TMEM67: variants seen among roughly 807,000 people sequenced by gnomAD.
TMEM67 encodes the protein transmembrane protein 67, also known as meckelin.
Under a neutral mutation model 136.6 loss-of-function variants are expected in TMEM67, and 124 were observed. The observed-to-expected ratio is 0.91, with a 90% CI of 0.78 to 1.05. TMEM67 has a LOEUF of 1.05. TMEM67 is among the 50% of genes least tolerant of loss of function. TMEM67 has a pLI of 0.00. For missense variants in TMEM67, 1,107 were observed against 1,178.4 expected (o/e 0.94, Z 0.89); for synonymous variants, 364 against 390.5 (o/e 0.93, Z 0.80).
the TMEM67 span, among the ~76,000 whole-genome samples, chr8:93,829,591 A>G: frequency 1.1e-4 from 17 of 152,222 alleles, no homozygotes; most frequent in East Asian, 2.7e-3. Flanking sequence ...GGCTCCTCAG[A>G]TCCTCTGTGG....
chr8:93,802,222 C>G (rs72668304), intron 21 of TMEM67, among the ~76,000 whole-genome samples: 2,981 of 152,302 alleles, frequency 0.02, 65 homozygotes, highest in Middle Eastern at 0.048. Flanking sequence ...TCCATCTCCA[C>G]AGTCCCTTCA....
chr8:93,806,130 A>G (rs576423262), intron 23 of TMEM67, among the ~76,000 whole-genome samples: 1 of 152,344 alleles, frequency 6.6e-6, no homozygotes, highest in Non-Finnish European at 1.5e-5. Flanking sequence ...TAAATGACTC[A>G]GTGTCTCCAG....
chr8:93,792,210 C>T (rs1357301453), intron 15 of TMEM67, among the ~76,000 whole-genome samples: 6 of 150,732 alleles, frequency 4.0e-5, no homozygotes, highest in South Asian at 2.1e-4. Context: ...CTCACTCTGT[C>T]GCCCAGTCTG....
chr8:93,791,477 G>A (rs1263022056), intron 15 of TMEM67, among the ~76,000 whole-genome samples, 158 bp downstream of exon 15: 1 of 152,094 alleles, frequency 6.6e-6, no homozygotes, highest in African/African-American at 2.4e-5. Context: ...TCATAATCTG[G>A]AAATTAATAT....
At chr8:93,816,315 G>A (rs554791543) in intron 27 of TMEM67, 57 bp from the exon 28 acceptor site, 52 of 799,880 alleles carry the variant, frequency 6.5e-5, no homozygotes, top group South Asian at 6.4e-4. Flanking sequence ...TTTAATCGAC[G>A]TGCATATTTA....
At chr8:93,768,564 C>T (rs1242909341) in intron 6 of TMEM67, among the ~76,000 whole-genome samples, 4 of 151,924 alleles carry the variant, frequency 2.6e-5, no homozygotes, top group Non-Finnish European at 4.4e-5. Context: ...GAGCCAAGAT[C>T]GCGCCACTGC....
At chr8:93,809,010 A>G (rs1424748122) in intron 24 of TMEM67, 47 bp from the exon 25 acceptor site, 3 of 1,535,982 alleles carry the variant, frequency 2.0e-6, no homozygotes, top group East Asian at 2.3e-5. Flanking sequence ...TGTTTTTTAG[A>G]TACCAAGAAC....
chr8:93,824,479 C>T, the TMEM67 span, among the ~76,000 whole-genome samples: 5 of 152,312 alleles, frequency 3.3e-5, no homozygotes, highest in South Asian at 1.0e-3. Context: ...AAATGGAACT[C>T]CAAACCCATT....
At chr8:93,781,793 TG>T (rs1462824739) in intron 10 of TMEM67, 49 bp downstream of exon 10, 1 of 1,142,040 alleles carries the variant, frequency 8.8e-7, no homozygotes, top group African/African-American at 1.5e-5. Context: ...TATTTTTGCC[TG>T]AGACAAAGCC....
chr8:93,813,614 G>A (rs1479794981), intron 26 of TMEM67, among the ~76,000 whole-genome samples: 1 of 152,248 alleles, frequency 6.6e-6, no homozygotes, highest in Non-Finnish European at 1.5e-5. Flanking sequence ...TTCTGGCTGT[G>A]TGACTAAGTG....
In TMEM67 at chr8:93,791,829, C is replaced by T. The variant is rs141514572; in HGVS notation, c.1575+510C>T. 2.7e-3 allele frequency: 416 copies of T among 152,598 alleles called. 1 individual carries two copies. Among genetic ancestry groups the T allele is most frequent in the Middle Eastern group, 6.8e-3 (2 of 294 alleles). 9.5% of individuals were successfully genotyped at this position (152,598 alleles called of 1,614,324 possible). Reference sequence around the variant, plus strand: ...GGGAGATTCTTTGAAATTATGCAAACATCCTGCTTCTTCTTATTCTTCTTA... The same window carrying T: ...GGGAGATTCTTTGAAATTATGCAAATATCCTGCTTCTTCTTATTCTTCTTA... On this transcript the variant is annotated intron_variant, in intron 15 of 27. Coordinates refer to ENST00000453321, the MANE Select transcript of TMEM67 (RefSeq NM_153704.6).
Position 93,808,847 on chromosome 8 carries a change from T to A in TMEM67, c.2447T>A (p.Leu816Ter). The A allele has an allele frequency of 1.2e-6, 2 of 1,605,496 alleles. No homozygotes were observed. Among genetic ancestry groups the A allele is most frequent in the Non-Finnish European group, 1.7e-6 (2 of 1,172,676 alleles). Residue 816 changes from leucine (L) to a stop codon, truncating the protein, a stop_gained, in exon 24 of 28, where the codon TTG becomes TAG. Coordinates refer to ENST00000453321, the MANE Select transcript of TMEM67 (RefSeq NM_153704.6). LOFTEE classifies it high-confidence loss of function. ...NMNLKREAEN[L>*]CSQRGLVPNT... ...AATTCTTTAACTTTTCAGGAAAATT[T>A]GTGTAGCCAGAGAGGTTTGGTACCC... is the stretch of plus-strand genomic sequence containing the variant.
At position 93,817,959 on chromosome 8, in the gene TMEM67, A is replaced by G. The variant is rs1047303298; in HGVS notation, c.*1507A>G. The G allele has an allele frequency of 2.6e-5, 4 of 152,268 alleles. No homozygotes were observed. Among genetic ancestry groups the G allele is most frequent in the Admixed American group, 6.5e-5 (1 of 15,282 alleles). The allele number at this position is 152,268 out of a possible 1,614,324, so 9.4% of individuals were successfully genotyped here. ...TTCAACCATCATTCAACATAGAAGAAGTTAATTTTAGTGCAAAAGTTTTTA... is the reference window on the plus strand; with the variant it reads ...TTCAACCATCATTCAACATAGAAGAGGTTAATTTTAGTGCAAAAGTTTTTA... On this transcript the variant is annotated 3_prime_UTR_variant, in exon 28 of 28. Coordinates refer to ENST00000453321, the MANE Select transcript of TMEM67 (RefSeq NM_153704.6).
intron 6 of TMEM67, among the ~76,000 whole-genome samples, 188 bp downstream of exon 6, chr8:93,765,834 G>A (rs568028468): frequency 1.4e-4 from 21 of 152,198 alleles, no homozygotes; most frequent in South Asian, 2.1e-4. Context: ...AGTCTGTACC[G>A]TAGCCTGTTT....
Position 93,780,767 on chromosome 8 carries a change from TG to T in TMEM67, c.869+21del. The T allele has an allele frequency of 6.2e-7, 1 of 1,613,674 alleles. No individual in the cohort carries two copies. Among genetic ancestry groups the T allele is most frequent in the Non-Finnish European group, 8.5e-7 (1 of 1,179,846 alleles). On this transcript the variant is annotated intron_variant, in intron 8 of 27. Coordinates refer to ENST00000453321, the MANE Select transcript of TMEM67 (RefSeq NM_153704.6). ...ATTTTGGTAAGGATATTTTGATTGA[TG>T]AAATGTTATTTTGACTGAATTCAGT... is the stretch of plus-strand genomic sequence containing the variant.
chr8:93,799,135 G>A (rs1054160104), intron 20 of TMEM67, among the ~76,000 whole-genome samples: 1 of 152,144 alleles, frequency 6.6e-6, no homozygotes, highest in Non-Finnish European at 1.5e-5. Context: ...AGGCATGGAG[G>A]TGAGTGTAAT....
At chr8:93,814,609 G>C (rs1808834525) in intron 26 of TMEM67, among the ~76,000 whole-genome samples, 1 of 151,326 alleles carries the variant, frequency 6.6e-6, no homozygotes, top group African/African-American at 2.4e-5. Flanking sequence ...TAAGACTACA[G>C]GTGTGCACCA....
intron 2 of TMEM67, among the ~76,000 whole-genome samples, chr8:93,757,866 T>C (rs1812653332): frequency 6.6e-6 from 1 of 151,908 alleles, no homozygotes; most frequent in Non-Finnish European, 1.5e-5. Context: ...GTTCAAGCCA[T>C]TCTGGTGCCT....
intron 2 of TMEM67, 118 bp from the exon 3 acceptor site, chr8:93,758,359 ATATATG>A (rs1437894503): frequency 2.8e-6 from 2 of 711,436 alleles, no homozygotes; most frequent in Non-Finnish European, 4.8e-6. Flanking sequence ...TATGTGGCTC[ATATATG>A]TATGATTTAT....
Sources: gnomAD v4.1 joint callset for allele counts (sites outside exome capture counted in the v4.1 genomes callset) on GRCh38, gnomAD v4.1.1 for gene constraint, MANE v1.5 for transcripts, NCBI Gene and HGNC (gene_info 2026-07-23, HGNC 2026-07-21) for gene names.